The following NR3C2 variants were observed in gnomAD, a reference collection of about 807,000 sequenced individuals.
NR3C2 encodes nuclear receptor subfamily 3 group C member 2.
NR3C2 carries 15 observed loss-of-function variants against 86.4 expected under a neutral mutation model. That is an observed-to-expected ratio of 0.17 (90% CI 0.12 to 0.27). NR3C2 has a LOEUF of 0.27. Among genes scored for constraint, NR3C2 ranks in the 10% least tolerant of loss-of-function variants. NR3C2 has a pLI of 1.00. For missense variants in NR3C2, 960 were observed against 1,195.6 expected, an observed-to-expected ratio of 0.80 and a Z score of 2.91; for synonymous variants, 458 against 450.5, an observed-to-expected ratio of 1.02 and a Z score of -0.21.
intron 2 of NR3C2, among the ~76,000 whole-genome samples, chr4:148,298,531 G>A (rs1344887772): frequency 6.6e-6 from 1 of 152,180 alleles, no homozygotes; most frequent in African/African-American, 2.4e-5. Context: ...CTTTACCAGT[G>A]AAGTCACAGC....
chr4:148,130,225 C>T (rs1366613865), intron 6 of NR3C2, among the ~76,000 whole-genome samples: 1 of 152,150 alleles, frequency 6.6e-6, no homozygotes, highest in Non-Finnish European at 1.5e-5. Context: ...AATAGAACTA[C>T]CTTTATCACT....
intron 2 of NR3C2, among the ~76,000 whole-genome samples, chr4:148,295,228 T>G (rs1170542446): frequency 6.6e-6 from 1 of 152,084 alleles, no homozygotes; most frequent in African/African-American, 2.4e-5. Flanking sequence ...AGATCTTTTT[T>G]TGGAAGTCAA....
At chr4:148,412,818 T>G (rs1254808500) in intron 2 of NR3C2, among the ~76,000 whole-genome samples, 1 of 63,684 alleles carries the variant, frequency 1.6e-5, no homozygotes, top group Non-Finnish European at 3.2e-5. Context: ...GGTGCACATG[T>G]GCGCACACAC....
intron 4 of NR3C2, 25 bp from the exon 5 acceptor site, chr4:148,154,926 G>A: frequency 3.3e-6 from 5 of 1,524,866 alleles, no homozygotes; most frequent in Non-Finnish European, 4.4e-6. Flanking sequence ...AAATGATAAG[G>A]CCAAATTAAA....
At chr4:148,286,292 A>G (rs57661315) in intron 2 of NR3C2, among the ~76,000 whole-genome samples, 6,121 of 152,296 alleles carry the variant, frequency 0.04, 388 homozygotes, top group African/African-American at 0.14. Flanking sequence ...GCTTTAAGCC[A>G]GTCTCTGCTG....
At position 148,106,367 on chromosome 4, in the gene NR3C2, CACAA is replaced by C. The variant is rs1246938539; in HGVS notation, c.2799+7733_2799+7736del. Among the ~76,000 whole-genome samples the C allele has an allele frequency of 5.9e-5, 9 of 152,224 alleles. No homozygotes were observed. In the South Asian group the frequency reaches 8.3e-4, roughly 14 times the overall value. On this transcript the variant is annotated intron_variant, in intron 8 of 8. Transcript: ENST00000358102. ...CACTGCTCAAGAAAATAAGAGAGGACACAAACAAACGGAAAAACATTCCATGCTC... is the reference window on the plus strand; with the variant it reads ...CACTGCTCAAGAAAATAAGAGAGGACACAAACGGAAAAACATTCCATGCTC...
intron 2 of NR3C2, among the ~76,000 whole-genome samples, chr4:148,297,470 A>T (rs3925570): frequency 0.2 from 30,659 of 151,970 alleles, 3,240 homozygotes; most frequent in Admixed American, 0.28. Flanking sequence ...ATATTTAAAA[A>T]TCACACAGGC....
intron 2 of NR3C2, among the ~76,000 whole-genome samples, chr4:148,307,143 T>C (rs1316134042): frequency 7.2e-6 from 1 of 139,360 alleles, no homozygotes; most frequent in Non-Finnish European, 1.5e-5. Context: ...GAGTTAGCTA[T>C]TATATTACAT....
intron 8 of NR3C2, among the ~76,000 whole-genome samples, chr4:148,110,178 T>C (rs1731988032): frequency 6.6e-6 from 1 of 152,250 alleles, no homozygotes; most frequent in Non-Finnish European, 1.5e-5. Context: ...AGAGGACTTA[T>C]GATTCATTAA....
At chr4:148,239,063 G>C (rs539130598) in intron 3 of NR3C2, among the ~76,000 whole-genome samples, 23 of 152,320 alleles carry the variant, frequency 1.5e-4, no homozygotes, top group Admixed American at 1.5e-3. Flanking sequence ...AAGAATAGAC[G>C]TAGAGGCATG....
intron 3 of NR3C2, among the ~76,000 whole-genome samples, chr4:148,222,389 C>T (rs569445125): frequency 5.8e-4 from 89 of 152,166 alleles, no homozygotes; most frequent in African/African-American, 1.9e-3. Context: ...GTTCAAAGCC[C>T]GCATTAGCCA....
chr4:148,244,928 C>T (rs925731243), intron 3 of NR3C2, among the ~76,000 whole-genome samples: 1 of 152,092 alleles, frequency 6.6e-6, no homozygotes, highest in Admixed American at 6.6e-5. Context: ...TATGATAATA[C>T]AACAGAGCAA....
At chr4:148,402,381 G>T (rs764430160) in intron 2 of NR3C2, among the ~76,000 whole-genome samples, 16 of 152,198 alleles carry the variant, frequency 1.1e-4, no homozygotes, top group Non-Finnish European at 2.2e-4. Context: ...CAACTGTACT[G>T]TAGGCAGAGG....
chr4:148,318,278 T>A lies in NR3C2; in HGVS notation c.1758-58161A>T, dbSNP rs1014990995. Among the ~76,000 whole-genome samples, 12 of 151,758 alleles carry A rather than the reference T, an allele frequency of 7.9e-5. No individual in the cohort carries two copies. The East Asian group carries it at 9.7e-4, about 12-fold the overall frequency. The stretch of plus-strand genomic sequence containing the variant: ...ATTTTCTTAATCCAGTCTATCATTG[T>A]TGGACATTTGGGTTCGTTCCAAGTC... On this transcript the variant is annotated intron_variant, in intron 2 of 8. Coordinates refer to ENST00000358102, the MANE Select transcript of NR3C2 (RefSeq NM_000901.5).
intron 2 of NR3C2, among the ~76,000 whole-genome samples, chr4:148,389,672 T>C (rs1189027296): frequency 6.6e-6 from 1 of 152,166 alleles, no homozygotes; most frequent in Non-Finnish European, 1.5e-5. Flanking sequence ...AACTAAACTG[T>C]ACCAAAAAGC....
intron 3 of NR3C2, among the ~76,000 whole-genome samples, chr4:148,240,443 C>G (rs548269649): frequency 6.6e-6 from 1 of 151,868 alleles, no homozygotes; most frequent in Non-Finnish European, 1.5e-5. Flanking sequence ...ACATTCCACC[C>G]GCCTTATATC....
intron 2 of NR3C2, among the ~76,000 whole-genome samples, chr4:148,319,452 A>G (rs1487049987): frequency 5.9e-5 from 9 of 151,754 alleles, no homozygotes; most frequent in African/African-American, 9.7e-5. Flanking sequence ...CATTGAATCT[A>G]TAAATTACCT....
At chr4:148,209,981 C>T (rs1737203134) in intron 3 of NR3C2, among the ~76,000 whole-genome samples, 1 of 152,190 alleles carries the variant, frequency 6.6e-6, no homozygotes, top group Admixed American at 6.5e-5. Context: ...TGTTCTCTTG[C>T]TGTCCAGGGT....
At chr4:148,421,148 C>T (rs2126606634) in intron 2 of NR3C2, among the ~76,000 whole-genome samples, 1 of 152,282 alleles carries the variant, frequency 6.6e-6, no homozygotes, top group South Asian at 2.1e-4. Flanking sequence ...GACAATGTAG[C>T]ACCTCCCTAT....
Sources: allele counts gnomAD v4.1 joint callset (sites outside exome capture counted in the v4.1 genomes callset), GRCh38; gene constraint gnomAD v4.1.1; transcripts MANE v1.5; gene names NCBI Gene and HGNC (gene_info 2026-07-23, HGNC 2026-07-21).